Variants in CDON observed in about 807,000 individuals in gnomAD.
CDON encodes cell adhesion molecule-related/down-regulated by oncogenes.
In CDON, 73 loss-of-function variants were observed where a neutral mutation model predicts 120.9. That is an observed-to-expected ratio of 0.60 (90% confidence interval 0.50 to 0.73). The LOEUF (loss-of-function observed/expected upper bound fraction) is 0.73, where lower values mean the gene tolerates loss of function less well. CDON is among the 30% of genes least tolerant of loss of function. The pLI is 0.00. For synonymous variants in CDON, 566 were observed against 573.5 expected (o/e 0.99, Z 0.19); for missense variants, 1,470 against 1,587.3 (o/e 0.93, Z 1.26).
intron 1 of CDON, among the ~76,000 whole-genome samples, chr11:126,041,540 C>T (rs1406462047): frequency 6.6e-6 from 1 of 152,126 alleles, no homozygotes; most frequent in African/African-American, 2.4e-5. Flanking sequence ...TCTGTATAGT[C>T]AAAATCACGT....
At chr11:125,971,668 T>C (rs904400986) in intron 18 of CDON, among the ~76,000 whole-genome samples, 6 of 152,200 alleles carry the variant, frequency 3.9e-5, no homozygotes, top group Non-Finnish European at 7.3e-5. Context: ...AATTATATAA[T>C]TTTTCCAAGC....
intron 3 of CDON, among the ~76,000 whole-genome samples, 196 bp downstream of exon 3, chr11:126,021,052 C>T (rs1447284696): frequency 6.6e-6 from 1 of 152,004 alleles, no homozygotes; most frequent in Non-Finnish European, 1.5e-5. Context: ...ATCATTGTTA[C>T]TGATGAGGGC....
At chr11:125,995,555 TGTAAGA>T (rs762526285) in intron 12 of CDON, among the ~76,000 whole-genome samples, 48 of 152,310 alleles carry the variant, frequency 3.2e-4, no homozygotes, top group Non-Finnish European at 6.8e-4. Context: ...CTGCTAACAG[TGTAAGA>T]GTAAGAGGGA....
At chr11:125,997,108 C>A in intron 12 of CDON, 99 bp downstream of exon 12, 1 of 973,994 alleles carries the variant, frequency 1.0e-6, no homozygotes, top group South Asian at 1.4e-5. Context: ...CACTGCACTC[C>A]AGCCTGGGCC....
chr11:125,970,588 T>C (rs929329102), intron 18 of CDON, among the ~76,000 whole-genome samples: 10 of 152,230 alleles, frequency 6.6e-5, no homozygotes, highest in African/African-American at 2.2e-4. Context: ...AGAACCCTGA[T>C]GGCACCGCTC....
intron 1 of CDON, among the ~76,000 whole-genome samples, chr11:126,025,075 T>G (rs1280750942): frequency 6.6e-6 from 1 of 151,996 alleles, no homozygotes; most frequent in African/African-American, 2.4e-5. Context: ...CCTGGTGGCA[T>G]GCACCTGTAA....
At chr11:126,006,352 C>T (rs913464817) in intron 8 of CDON, among the ~76,000 whole-genome samples, 4 of 152,110 alleles carry the variant, frequency 2.6e-5, no homozygotes, top group African/African-American at 7.2e-5. Context: ...TAGTAATAAT[C>T]ATTTGCCAGT....
intron 1 of CDON, among the ~76,000 whole-genome samples, chr11:126,059,233 C>G (rs929443101): frequency 6.6e-6 from 1 of 152,128 alleles, no homozygotes; most frequent in Non-Finnish European, 1.5e-5. Context: ...GAAAACTTAC[C>G]AAGTCTGCAA....
chr11:126,050,700 G>T (rs1313050101), intron 1 of CDON, among the ~76,000 whole-genome samples: 1 of 152,106 alleles, frequency 6.6e-6, no homozygotes, highest in African/African-American at 2.4e-5. Flanking sequence ...CCTCAGCAGG[G>T]GACCAAGGAC....
In CDON at chr11:126,021,232, A is replaced by T; in HGVS notation, c.349+16T>A. ...TCAAGAAAACCCATACCTAACAGGG[A>T]CAAAATTAAACTCACCTGCCACAGA... On this transcript the variant is annotated intron_variant, in intron 3 of 19. Coordinates refer to ENST00000531738, the MANE Select transcript of CDON (RefSeq NM_001378964.1). 1 of 1,613,330 alleles carries T rather than the reference A, an allele frequency of 6.2e-7. No individual in the cohort carries two copies. Among genetic ancestry groups the T allele is most frequent in the Non-Finnish European group, 8.5e-7 (1 of 1,179,688 alleles).
intron 2 of CDON, among the ~76,000 whole-genome samples, chr11:126,021,930 C>T (rs1331247525): frequency 6.6e-6 from 1 of 151,816 alleles, no homozygotes; most frequent in African/African-American, 2.4e-5. Flanking sequence ...TGGCAAAACC[C>T]TATCTCAATA....
At position 126,010,662 on chromosome 11, in the gene CDON, G is replaced by C; in HGVS notation, c.1231C>G (p.Pro411Ala). 6.2e-7 allele frequency: 1 copy of C among 1,614,092 alleles called. No individual in the cohort carries two copies. Among genetic ancestry groups the C allele is most frequent in the Non-Finnish European group, 8.5e-7 (1 of 1,179,982 alleles). Residue 411 changes from proline to alanine, a missense_variant, in exon 8 of 20, where the codon CCA becomes GCA. Physicochemically the swap from Pro to Ala is conservative, Grantham distance 27. Coordinates refer to ENST00000531738, the MANE Select transcript of CDON (RefSeq NM_001378964.1). ...CCGTCTGCAACCTTTGCACTTACTG[G>C]TGCCGTAATTATAACTGGCTTGAAT... ...GGFKPVIITA[P>A]VSAKVADGDF...
At chr11:125,980,108 A>G (rs1447288466) in intron 17 of CDON, among the ~76,000 whole-genome samples, 1 of 152,210 alleles carries the variant, frequency 6.6e-6, no homozygotes, top group Non-Finnish European at 1.5e-5. Context: ...CAAAAACTGA[A>G]TGCTTAATTC....
intron 6 of CDON, 111 bp from the exon 7 acceptor site, chr11:126,015,621 C>T (rs887560971): frequency 9.7e-6 from 11 of 1,138,166 alleles, no homozygotes; most frequent in East Asian, 2.5e-5. Flanking sequence ...AACAAAGTTG[C>T]ATTGTTTATT....
At chr11:125,990,726 G>C (rs1368393712) in intron 14 of CDON, among the ~76,000 whole-genome samples, 1 of 152,180 alleles carries the variant, frequency 6.6e-6, no homozygotes, top group Non-Finnish European at 1.5e-5. Context: ...AATATCGCCA[G>C]ACTCCTTTCT....
intron 1 of CDON, among the ~76,000 whole-genome samples, chr11:126,038,088 C>CA (rs1393896569): frequency 4.0e-5 from 6 of 151,578 alleles, no homozygotes; most frequent in African/African-American, 1.2e-4. Context: ...CATGTTCAGT[C>CA]AAAAAAATCA....
At position 126,015,355 on chromosome 11, in the gene CDON, CTGCAGTTAGATGTCG is replaced by C; in HGVS notation, c.1069_1083del (p.Arg357_Ala361del). ...ACCCCACTGATTTTCAGTCCGTTTCCTGCAGTTAGATGTCGTGCAGAAGGATGAATAGGCTGTGCA... is the reference window on the plus strand; with the variant it reads ...ACCCCACTGATTTTCAGTCCGTTTCCTGCAGAAGGATGAATAGGCTGTGCA... On this transcript the variant is annotated inframe_deletion, in exon 7 of 20. Transcript: ENST00000531738. 1.2e-6 allele frequency: 2 copies of C among 1,614,160 alleles called. No individual in the cohort carries two copies. Among genetic ancestry groups the C allele is most frequent in the Non-Finnish European group, 1.7e-6 (2 of 1,180,022 alleles).
chr11:126,038,604 A>C (rs1342410237), intron 1 of CDON, among the ~76,000 whole-genome samples: 1 of 151,986 alleles, frequency 6.6e-6, no homozygotes, highest in African/African-American at 2.4e-5. Context: ...GTGAGCGGAG[A>C]CTGTCCCACT....
chr11:125,994,954 G>T lies in CDON; in HGVS notation c.2461C>A (p.Arg821Ser). ...RPYQVVGFPNRFSSRPITGPH... is the reference protein window; with the variant it reads ...RPYQVVGFPNSFSSRPITGPH... The stretch of plus-strand genomic sequence containing the variant: ...CCAGTTATTGGACGGCTGGAAAAGC[G>T]ATTGGGGAACCCAACCACTTGATAA... The change falls in exon 13 of 20, where the codon CGC becomes AGC. Residue 821 changes from arginine (R) to serine (S), a missense_variant. Physicochemically the swap from Arg to Ser is moderately radical, Grantham distance 110. Transcript: ENST00000531738. The T allele has an allele frequency of 6.2e-7, 1 of 1,614,064 alleles. No individual in the cohort carries two copies. Among genetic ancestry groups the T allele is most frequent in the Admixed American group, 1.7e-5 (1 of 60,022 alleles).
Sources: allele counts gnomAD v4.1 joint callset (sites outside exome capture counted in the v4.1 genomes callset), GRCh38; gene constraint gnomAD v4.1.1; transcripts MANE v1.5; gene names NCBI Gene and HGNC (gene_info 2026-07-23, HGNC 2026-07-21).